Variants in ADCY2 observed in about 807,000 individuals in gnomAD.
ADCY2 encodes the protein adenylate cyclase 2.
In ADCY2, 31 loss-of-function variants were observed where a neutral mutation model predicts 125.2. That is an observed-to-expected ratio of 0.25 (90% CI 0.19 to 0.33). The LOEUF (loss-of-function observed/expected upper bound fraction) is 0.33. Among genes scored for constraint, ADCY2 ranks in the 10% least tolerant of loss-of-function variants. ADCY2 has a pLI of 1.00. For missense variants in ADCY2, 904 were observed against 1,418.2 expected, an observed-to-expected ratio of 0.64 and a Z score of 5.82; for synonymous variants, 512 against 548.4, an observed-to-expected ratio of 0.93 and a Z score of 0.93.
At chr5:7,650,085 C>T (rs755514488) in intron 4 of ADCY2, among the ~76,000 whole-genome samples, 92 of 152,158 alleles carry the variant, frequency 6.0e-4, no homozygotes, top group Non-Finnish European at 1.2e-3. Flanking sequence ...CTCCTGCCTA[C>T]CTAATGTATC....
chr5:7,553,332 G>A (rs892259685), intron 3 of ADCY2, among the ~76,000 whole-genome samples: 1 of 152,194 alleles, frequency 6.6e-6, no homozygotes, highest in African/African-American at 2.4e-5. Context: ...AGTCTTCGGA[G>A]GAGCGCAGTT....
intron 2 of ADCY2, among the ~76,000 whole-genome samples, chr5:7,421,691 T>G (rs1023424943): frequency 3.9e-5 from 6 of 152,232 alleles, no homozygotes; most frequent in African/African-American, 1.4e-4. Context: ...CATTTCCATC[T>G]TGTGGAGTGC....
chr5:7,453,273 T>C (rs2126423755), intron 2 of ADCY2, among the ~76,000 whole-genome samples: 1 of 152,352 alleles, frequency 6.6e-6, no homozygotes, highest in South Asian at 2.1e-4. Context: ...AGTTTCTTTT[T>C]GTATAAGGTG....
At position 7,715,814 on chromosome 5, in the gene ADCY2, C is replaced by T. The variant is rs985037900; in HGVS notation, c.1623-1343C>T. ...ATGATAATTCTGTGAGATTTAATTA[C>T]AGATAAATGAGACTTTGCATATTTA... On this transcript the variant is annotated intron_variant, in intron 11 of 24. Coordinates refer to ENST00000338316, the MANE Select transcript of ADCY2 (RefSeq NM_020546.3). Among the ~76,000 whole-genome samples, 9 of 152,244 alleles carry T rather than the reference C, an allele frequency of 5.9e-5. No individual in the cohort carries two copies. The East Asian group carries it at 1.7e-3, about 29-fold the overall frequency.
At chr5:7,400,732 T>C (rs1739232335) in intron 1 of ADCY2, among the ~76,000 whole-genome samples, 1 of 152,224 alleles carries the variant, frequency 6.6e-6, no homozygotes, top group African/African-American at 2.4e-5. Flanking sequence ...TAACTAAAGA[T>C]TCATCTTTTT....
chr5:7,603,400 C>T (rs557626960), intron 3 of ADCY2, among the ~76,000 whole-genome samples: 8 of 152,328 alleles, frequency 5.3e-5, no homozygotes, highest in African/African-American at 1.9e-4. Flanking sequence ...TGCCCCACCT[C>T]TTACTGGCAT....
Position 7,631,345 on chromosome 5 carries a change from GTCT to G in ADCY2, c.720+5034_720+5036del, listed in dbSNP as rs1561134762. Among the ~76,000 whole-genome samples, 5 of 152,124 alleles carry G rather than the reference GTCT, an allele frequency of 3.3e-5. No homozygotes were observed. The South Asian group carries it at 1.0e-3, about 32-fold the overall frequency. On this transcript the variant is annotated intron_variant, in intron 4 of 24. Coordinates refer to ENST00000338316, the MANE Select transcript of ADCY2 (RefSeq NM_020546.3). ...ACCGTTAGTCAGCCTACCACTCTCC[GTCT>G]TCTTTATTCCTACAGCAACTCTAGG...
At chr5:7,774,813 G>A (rs1008928096) in intron 18 of ADCY2, among the ~76,000 whole-genome samples, 6 of 152,190 alleles carry the variant, frequency 3.9e-5, no homozygotes, top group South Asian at 4.2e-4. Context: ...CATCCTCCTC[G>A]GGGGCACGCA....
At chr5:7,468,119 T>A (rs1742193611) in intron 2 of ADCY2, among the ~76,000 whole-genome samples, 1 of 152,180 alleles carries the variant, frequency 6.6e-6, no homozygotes, top group African/African-American at 2.4e-5. Context: ...AAAAAATCAA[T>A]CCCTTCCTTA....
At chr5:7,575,279 T>C (rs1377866815) in intron 3 of ADCY2, among the ~76,000 whole-genome samples, 1 of 152,194 alleles carries the variant, frequency 6.6e-6, no homozygotes, top group Non-Finnish European at 1.5e-5. Flanking sequence ...GGTGACATTA[T>C]TGGTGATTTT....
chr5:7,724,489 C>T, intron 12 of ADCY2, 56 bp from the exon 13 acceptor site: 1 of 1,298,744 alleles, frequency 7.7e-7, no homozygotes. Flanking sequence ...AAAAATAGTT[C>T]CAGATGTTTG....
rs1739016659 is a variant in ADCY2, at chr5:7,396,185, G to T, written c.-112G>T. 1 of 473,622 alleles carries T rather than the reference G, an allele frequency of 2.1e-6. No homozygotes were observed. The highest frequency in any genetic ancestry group is 9.0e-5 in the South Asian group (1 of 11,092). The allele number at this position is 473,622 out of a possible 1,614,324, so 29.3% of individuals were successfully genotyped here. A position where few individuals can be genotyped will look rare whatever the true frequency, so the allele number is the denominator to read the frequency against. On this transcript the variant is annotated 5_prime_UTR_variant, in exon 1 of 25. Transcript: ENST00000338316. The surrounding 1 kb of genome is among the most constrained non-coding windows in gnomAD (Gnocchi z 5.7). ...CCGGAGGCCCCTGCGCGCAGCTCCG[G>T]GTGCCGGCAGCCGGGCCGGCCGAGG...
At chr5:7,816,462 G>A (rs1745113649) in intron 22 of ADCY2, among the ~76,000 whole-genome samples, 1 of 152,214 alleles carries the variant, frequency 6.6e-6, no homozygotes, top group South Asian at 2.1e-4. Flanking sequence ...ACCCCCTAGC[G>A]GTCAGGCCAC....
chr5:7,805,523 A>G (rs1427306719), intron 22 of ADCY2, among the ~76,000 whole-genome samples: 1 of 152,108 alleles, frequency 6.6e-6, no homozygotes, highest in Non-Finnish European at 1.5e-5. Context: ...GAATATTAGT[A>G]AAAAAGACCT....
chr5:7,674,221 A>T (rs986016041), intron 4 of ADCY2, among the ~76,000 whole-genome samples: 1 of 152,146 alleles, frequency 6.6e-6, no homozygotes, highest in Non-Finnish European at 1.5e-5. Flanking sequence ...CAGTAGGAGC[A>T]TCGTATTTCC....
At chr5:7,413,431 C>T (rs191620538) in intron 1 of ADCY2, among the ~76,000 whole-genome samples, 1,640 of 152,044 alleles carry the variant, frequency 0.011, 29 homozygotes, top group African/African-American at 0.038. Flanking sequence ...GTAGCTGGGA[C>T]CACAGGCGCC....
At chr5:7,422,387 A>G (rs748695848) in intron 2 of ADCY2, among the ~76,000 whole-genome samples, 1 of 152,006 alleles carries the variant, frequency 6.6e-6, no homozygotes, top group African/African-American at 2.4e-5. Context: ...ATCTCAGCTG[A>G]TAATTACTGA....
chr5:7,825,022 C>T (rs1397196548), intron 24 of ADCY2, among the ~76,000 whole-genome samples: 6 of 152,202 alleles, frequency 3.9e-5, no homozygotes, highest in South Asian at 2.1e-4. Context: ...CCCCTGTGTG[C>T]CATAACACTG....
At chr5:7,644,606 T>G (rs1197189810) in intron 4 of ADCY2, among the ~76,000 whole-genome samples, 1 of 152,120 alleles carries the variant, frequency 6.6e-6, no homozygotes, top group Non-Finnish European at 1.5e-5. Context: ...CACCATAAAC[T>G]CAGAATGTTC....
Sources: gnomAD v4.1 joint callset for allele counts (sites outside exome capture counted in the v4.1 genomes callset) on GRCh38, gnomAD v4.1.1 for gene constraint, Gnocchi (gnomAD v3.1) non-coding constraint, MANE v1.5 for transcripts, NCBI Gene and HGNC (gene_info 2026-07-23, HGNC 2026-07-21) for gene names.